The following ARHGAP26 variants were observed in gnomAD, a reference collection of about 807,000 sequenced individuals.
ARHGAP26 encodes rho GTPase-activating protein 26.
Under a neutral mutation model 104.8 loss-of-function variants are expected in ARHGAP26, and 38 were observed. That is an observed-to-expected ratio of 0.36 (90% CI 0.28 to 0.48). The LOEUF is 0.48. Ranked by LOEUF, ARHGAP26 falls within the 20% of genes least tolerant of loss-of-function variation. ARHGAP26 has a pLI of 0.99. For missense variants in ARHGAP26, 704 were observed against 947.9 expected (o/e 0.74, Z 3.38); for synonymous variants, 341 against 340.0 (o/e 1.00, Z -0.03).
rs1247626912 is a variant in ARHGAP26 at position 142,820,449 on chromosome 5, A to AC, written c.154+49534_154+49535insC. 5.8e-3 allele frequency among the ~76,000 whole-genome samples: 820 copies of AC among 141,296 alleles called. 8 individuals carry two copies. Among genetic ancestry groups the AC allele is most frequent in the African/African-American group, 0.021 (751 of 34,960 alleles). The allele number at this position is 141,296 out of a possible 152,430, so 92.7% of individuals were successfully genotyped here. On this transcript the variant is annotated intron_variant, in intron 1 of 22. Transcript: ENST00000645722. ...TAGTCCAAGATGCTTAAAAAAACAA[A>AC]AAAACAAACAAAAAAAACCCACCTA...
chr5:143,007,742 C>T (rs375237165), intron 11 of ARHGAP26, among the ~76,000 whole-genome samples: 1 of 152,152 alleles, frequency 6.6e-6, no homozygotes, highest in Non-Finnish European at 1.5e-5. Flanking sequence ...TAAAATCATT[C>T]GTTTAAACGC....
At chr5:142,869,441 G>A (rs568830481) in intron 1 of ARHGAP26, among the ~76,000 whole-genome samples, 14 of 151,678 alleles carry the variant, frequency 9.2e-5, no homozygotes, top group African/African-American at 2.9e-4. Context: ...GACTGGTCTC[G>A]AACTCCTGAC....
At chr5:142,997,703 T>C (rs1286344835) in intron 11 of ARHGAP26, among the ~76,000 whole-genome samples, 2 of 151,648 alleles carry the variant, frequency 1.3e-5, no homozygotes, top group Non-Finnish European at 1.5e-5. Flanking sequence ...AGGTGGGAGA[T>C]ACTGCACCTA....
chr5:143,208,854 A>T (rs1809008879), intron 21 of ARHGAP26, among the ~76,000 whole-genome samples: 1 of 152,244 alleles, frequency 6.6e-6, no homozygotes, highest in Non-Finnish European at 1.5e-5. Context: ...GGAAATTTTC[A>T]GATCATGTCT....
chr5:142,988,714 G>A (rs964039031), intron 11 of ARHGAP26, among the ~76,000 whole-genome samples: 1 of 152,160 alleles, frequency 6.6e-6, no homozygotes, highest in East Asian at 1.9e-4. Flanking sequence ...TGGTTTCAAA[G>A]AACATCTTTA....
chr5:142,809,195 A>G (rs1473456328), intron 1 of ARHGAP26, among the ~76,000 whole-genome samples: 2 of 152,144 alleles, frequency 1.3e-5, no homozygotes, highest in African/African-American at 4.8e-5. Flanking sequence ...GAATGGTTTT[A>G]TTTGTGTGTT....
At chr5:142,925,266 G>T (rs1763745465) in intron 10 of ARHGAP26, among the ~76,000 whole-genome samples, 1 of 152,110 alleles carries the variant, frequency 6.6e-6, no homozygotes, top group Non-Finnish European at 1.5e-5. Flanking sequence ...CTTTGCACTT[G>T]CACTGTTGTT....
chr5:143,137,999 G>A (rs1044288238), intron 19 of ARHGAP26, among the ~76,000 whole-genome samples: 5 of 152,166 alleles, frequency 3.3e-5, no homozygotes, highest in Admixed American at 6.5e-5. Flanking sequence ...TCATGGTCTG[G>A]GATATTAGAA....
intron 11 of ARHGAP26, among the ~76,000 whole-genome samples, chr5:142,993,717 T>C (rs1189156063): frequency 6.6e-6 from 1 of 152,190 alleles, no homozygotes; most frequent in Non-Finnish European, 1.5e-5. Context: ...TCACAGCACA[T>C]TGCAGCCCCA....
intron 17 of ARHGAP26, among the ~76,000 whole-genome samples, chr5:143,067,401 G>A (rs1205268243): frequency 1.3e-5 from 2 of 152,128 alleles, no homozygotes; most frequent in Non-Finnish European, 2.9e-5. Context: ...CTGTATTGAA[G>A]TATTAATCTA....
rs35718935 is a variant in ARHGAP26, at chr5:143,109,464, A to AT, written c.1539-11513dup. Among the ~76,000 whole-genome samples, 865 of 145,926 alleles carry AT rather than the reference A, an allele frequency of 5.9e-3. 23 individuals carry two copies. The East Asian group carries it at 0.078, about 13-fold the overall frequency. On this transcript the variant is annotated intron_variant, in intron 17 of 22. Transcript: ENST00000645722. Reference sequence around the variant, plus strand: ...GGTTTTTGTTTGTTTTTGTTTTTGTATTTTTTTTTTTAGACAGCGTCTTGC... The same window carrying AT: ...GGTTTTTGTTTGTTTTTGTTTTTGTATTTTTTTTTTTTAGACAGCGTCTTGC...
chr5:142,956,273 A>G (rs959395124), intron 11 of ARHGAP26, among the ~76,000 whole-genome samples: 15 of 152,094 alleles, frequency 9.9e-5, no homozygotes, highest in Admixed American at 6.5e-4. Flanking sequence ...TCTCTGAATG[A>G]CAGATAAATA....
At chr5:143,041,678 CAG>C (rs928150455) in intron 13 of ARHGAP26, 136 bp from the exon 14 acceptor site, 19 of 638,330 alleles carry the variant, frequency 3.0e-5, no homozygotes, top group Middle Eastern at 2.6e-4. Flanking sequence ...AGCTGAGTGA[CAG>C]GGGACTTTAA....
chr5:142,963,198 A>ATATATATATATATGTGTGTGTGTGTGTG (rs869247749), intron 11 of ARHGAP26, among the ~76,000 whole-genome samples: 1 of 98,328 alleles, frequency 1.0e-5, no homozygotes, highest in African/African-American at 6.1e-5. Context: ...ATATATATAT[A>ATATATATATATATGTGTGTGTGTGTGTG]TGTGTGTGTG....
At chr5:143,156,172 A>T (rs1294247965) in intron 20 of ARHGAP26, among the ~76,000 whole-genome samples, 2 of 152,236 alleles carry the variant, frequency 1.3e-5, no homozygotes, top group African/African-American at 2.4e-5. Context: ...TCTTATTCGT[A>T]GATTCAGATT....
intron 11 of ARHGAP26, among the ~76,000 whole-genome samples, chr5:142,986,773 A>G (rs973892118): frequency 1.3e-5 from 2 of 152,146 alleles, no homozygotes; most frequent in African/African-American, 4.8e-5. Context: ...TCCTTTCCCC[A>G]TTGCTTGTTT....
intron 20 of ARHGAP26, among the ~76,000 whole-genome samples, chr5:143,181,728 C>T (rs748432398): frequency 7.2e-5 from 11 of 152,174 alleles, no homozygotes; most frequent in Non-Finnish European, 1.0e-4. Flanking sequence ...ACTTTAGCTC[C>T]GCACTTTGGA....
At position 142,832,928 on chromosome 5, in the gene ARHGAP26, A is replaced by T. The variant is rs145307148; in HGVS notation, c.155-40472A>T. ...TTTTTTTCTAGTTTTTTACTTAAAAATTTTTTTTGATTATAAAAGAAGTGA... is the reference window on the plus strand; with the variant it reads ...TTTTTTTCTAGTTTTTTACTTAAAATTTTTTTTTGATTATAAAAGAAGTGA... On this transcript the variant is annotated intron_variant, in intron 1 of 22. Transcript: ENST00000645722. 5.8e-3 allele frequency among the ~76,000 whole-genome samples: 882 copies of T among 152,242 alleles called. 18 individuals carry two copies. The East Asian group carries it at 0.063, about 11-fold the overall frequency.
At chr5:143,094,117 G>T (rs1240164900) in intron 17 of ARHGAP26, among the ~76,000 whole-genome samples, 1 of 152,136 alleles carries the variant, frequency 6.6e-6, no homozygotes, top group Non-Finnish European at 1.5e-5. Context: ...CCGCCCCCGC[G>T]GCTTTCTTTC....
Sources: gnomAD v4.1 joint callset for allele counts (sites outside exome capture counted in the v4.1 genomes callset) on GRCh38, gnomAD v4.1.1 for gene constraint, MANE v1.5 for transcripts, NCBI Gene and HGNC (gene_info 2026-07-23, HGNC 2026-07-21) for gene names.